The following FUBP3 variants were observed in gnomAD, a reference collection of about 807,000 sequenced individuals.
FUBP3 encodes far upstream element binding protein 3.
FUBP3 carries 28 observed loss-of-function variants against 85.6 expected under a neutral mutation model. That is an observed-to-expected ratio of 0.33 (90% CI 0.24 to 0.45). The LOEUF (loss-of-function observed/expected upper bound fraction) is 0.45. Among genes scored for constraint, FUBP3 ranks in the 20% least tolerant of loss-of-function variants. The pLI is 1.00. For synonymous variants in FUBP3, 271 were observed against 271.4 expected, an observed-to-expected ratio of 1.00 and a Z score of 0.01; for missense variants, 583 against 755.1, an observed-to-expected ratio of 0.77 and a Z score of 2.67.
rs1184495389 is a variant in FUBP3, at chr9:130,616,918, G to C, written c.567+401G>C. Among the ~76,000 whole-genome samples the C allele has an allele frequency of 1.3e-5, 2 of 152,220 alleles. No individual in the cohort carries two copies. Among genetic ancestry groups the C allele is most frequent in the African/African-American group, 4.8e-5 (2 of 41,464 alleles). ...GCTCATTTACTTTTTGAAGGTTCAG[G>C]GTCTTTGTGTGTCAAAAGGGGCAAG... On this transcript the variant is annotated intron_variant, in intron 7 of 18. Coordinates refer to ENST00000319725, the MANE Select transcript of FUBP3 (RefSeq NM_003934.2). The surrounding 1 kb of genome is among the most constrained non-coding windows in gnomAD (Gnocchi z 4.7).
chr9:130,607,105 G>A (rs1378251783), intron 2 of FUBP3, among the ~76,000 whole-genome samples: 2 of 151,732 alleles, frequency 1.3e-5, no homozygotes, highest in Admixed American at 1.3e-4. Flanking sequence ...TGGGATTACA[G>A]ATGTGCACCA....
At chr9:130,619,303 AT>A (rs11293240) in intron 8 of FUBP3, among the ~76,000 whole-genome samples, 46,234 of 137,628 alleles carry the variant, frequency 0.34, 7,404 homozygotes, top group African/African-American at 0.54. Context: ...TGTATATTTC[AT>A]TTTTTTTTTT....
At chr9:130,600,840 G>T (rs1025256101) in intron 2 of FUBP3, among the ~76,000 whole-genome samples, 1 of 152,078 alleles carries the variant, frequency 6.6e-6, no homozygotes, top group African/African-American at 2.4e-5. Context: ...GCTGGGTGTG[G>T]TGGTGCATGC....
intron 16 of FUBP3, among the ~76,000 whole-genome samples, chr9:130,632,827 C>G (rs908585722): frequency 6.6e-6 from 1 of 152,276 alleles, no homozygotes; most frequent in African/African-American, 2.4e-5. Flanking sequence ...CCGCCACCCT[C>G]TCTGTCCCCA....
chr9:130,621,771 G>A (rs1829757637), intron 9 of FUBP3, among the ~76,000 whole-genome samples: 1 of 151,936 alleles, frequency 6.6e-6, no homozygotes, highest in South Asian at 2.1e-4. Flanking sequence ...CGGGTGTGGT[G>A]ACGCGTGCCT....
Position 130,631,543 on chromosome 9 carries a change from CTG to C in FUBP3, c.1279-11_1279-10del, listed in dbSNP as rs1564226787. On this transcript the variant is annotated splice_polypyrimidine_tract_variant and intron_variant, in intron 13 of 18. Coordinates refer to ENST00000319725, the MANE Select transcript of FUBP3 (RefSeq NM_003934.2). Reference sequence around the variant, plus strand: ...AACCAACAGCGGGTGAGAGCTCCCTCTGTGCCCCCACAGGGGACCAATCTCGG... The same window carrying C: ...AACCAACAGCGGGTGAGAGCTCCCTCTGCCCCCACAGGGGACCAATCTCGG... 1 of 1,609,266 alleles carries C rather than the reference CTG, an allele frequency of 6.2e-7. No homozygotes were observed.
At chr9:130,589,525 G>T (rs1190351310) in intron 1 of FUBP3, among the ~76,000 whole-genome samples, 5 of 150,618 alleles carry the variant, frequency 3.3e-5, no homozygotes. Flanking sequence ...TGTATTTTTA[G>T]TAGAGACGGG....
At position 130,631,581 on chromosome 9, in the gene FUBP3, G is replaced by A. The variant is rs368512612; in HGVS notation, c.1303G>A (p.Ala435Thr). The change falls in exon 14 of 19, where the codon GCC becomes ACC. Residue 435 changes from alanine (A) to threonine (T), a missense_variant. Physicochemically the swap from Ala to Thr is moderately conservative, Grantham distance 58 (BLOSUM62 0). Transcript: ENST00000319725. ...VGGTNLGAPG[A>T]FGQSPFSQPP... ...GGGGACCAATCTCGGAGCACCTGGA[G>A]CCTTCGGACAGAGTCCATTCAGCCA... The A allele has an allele frequency of 1.1e-4, 171 of 1,614,024 alleles. No homozygotes were observed. The highest frequency in any genetic ancestry group is 1.3e-4 in the Non-Finnish European group (156 of 1,179,884).
At chr9:130,615,785 G>A (rs1241784427) in intron 6 of FUBP3, among the ~76,000 whole-genome samples, 3 of 152,232 alleles carry the variant, frequency 2.0e-5, no homozygotes, top group East Asian at 3.9e-4. Context: ...CCCACCTCTT[G>A]GAACCAAACT....
rs760264899 is a variant in FUBP3, at chr9:130,631,513, T to C, written c.1279-44T>C. On this transcript the variant is annotated intron_variant, in intron 13 of 18. Transcript: ENST00000319725. The stretch of plus-strand genomic sequence containing the variant: ...GGTGGGCCTGGGCAGAGGAAAGAGG[T>C]GTGCAACCAACAGCGGGTGAGAGCT... 10 of 1,540,316 alleles carry C rather than the reference T, an allele frequency of 6.5e-6. No individual in the cohort carries two copies. In the East Asian group the frequency reaches 6.7e-5, roughly 10 times the overall value.
chr9:130,600,273 T>A (rs1831091029), intron 2 of FUBP3, among the ~76,000 whole-genome samples: 1 of 152,092 alleles, frequency 6.6e-6, no homozygotes, highest in Non-Finnish European at 1.5e-5. Flanking sequence ...TGTGCACCTC[T>A]CCTAGCAGAG....
chr9:130,581,668 A>G (rs1830135209), intron 1 of FUBP3: 1 of 152,214 alleles, frequency 6.6e-6, no homozygotes, highest in South Asian at 2.1e-4. Context: ...TGTTATATAC[A>G]CAGCATGTTA....
chr9:130,616,266 G>C lies in FUBP3; in HGVS notation c.405-89G>C, dbSNP rs1832003726. On this transcript the variant is annotated intron_variant, in intron 6 of 18. Coordinates refer to ENST00000319725, the MANE Select transcript of FUBP3 (RefSeq NM_003934.2). The surrounding 1 kb of genome is among the most constrained non-coding windows in gnomAD (Gnocchi z 4.7). ...ATGGAGGGCTGCCCTGACTCCCGCA[G>C]GTTTTTCCCTCAGTGCTATTTCCCT... The C allele has an allele frequency of 5.4e-6, 7 of 1,304,680 alleles. No homozygotes were observed. The South Asian group carries it at 8.0e-5, about 15-fold the overall frequency. 80.8% of individuals were successfully genotyped at this position (1,304,680 alleles called of 1,614,324 possible). A position where few individuals can be genotyped will look rare whatever the true frequency, so the allele number is the denominator to read the frequency against.
intron 12 of FUBP3, among the ~76,000 whole-genome samples, chr9:130,628,846 T>C (rs1830098444): frequency 6.6e-6 from 1 of 152,166 alleles, no homozygotes; most frequent in Non-Finnish European, 1.5e-5. Flanking sequence ...CATGGCTCAC[T>C]GCAACCTCCG....
chr9:130,621,319 A>G (rs1273160712), intron 9 of FUBP3, among the ~76,000 whole-genome samples: 3 of 151,922 alleles, frequency 2.0e-5, no homozygotes, highest in African/African-American at 4.8e-5. Flanking sequence ...CACCACCTCT[A>G]CCAAAACAAA....
chr9:130,622,818 T>C lies in FUBP3; in HGVS notation c.874+8T>C. 1 of 1,378,456 alleles carries C rather than the reference T, an allele frequency of 7.3e-7. No individual in the cohort carries two copies. Among genetic ancestry groups the C allele is most frequent in the Non-Finnish European group, 1.0e-6 (1 of 992,274 alleles). 85.4% of individuals were successfully genotyped at this position (1,378,456 alleles called of 1,614,324 possible). On this transcript the variant is annotated splice_region_variant and intron_variant, in intron 10 of 18. Coordinates refer to ENST00000319725, the MANE Select transcript of FUBP3 (RefSeq NM_003934.2). ...GGATTCAGTTTAAACCAGGTGGGTA[T>C]GATGATTTAAAAATCCTTAGTGTTA...
At chr9:130,597,209 A>G (rs892860580) in intron 2 of FUBP3, among the ~76,000 whole-genome samples, 1 of 152,128 alleles carries the variant, frequency 6.6e-6, no homozygotes, top group Non-Finnish European at 1.5e-5. Flanking sequence ...AGCTCCATCC[A>G]TGTTGTTGCA....
At position 130,623,642 on chromosome 9, in the gene FUBP3, G is replaced by A. The variant is rs1307417054; in HGVS notation, c.906G>A (p.Gln302=). 1.2e-5 allele frequency: 19 copies of A among 1,613,800 alleles called. No homozygotes were observed. The highest frequency in any genetic ancestry group is 1.4e-5 in the Non-Finnish European group (17 of 1,179,830). ...GGATTAGTCCAGAAAGAGCTGCCCA[G>A]GTCATGGGCCCTCCGGATCGGTGTC... ...DDGISPERAA[Q]VMGPPDRCQH... is the part of the protein sequence containing the mutation. The change falls in exon 11 of 19, where the codon CAG becomes CAA. Residue 302 remains glutamine (Q), a synonymous_variant. Transcript: ENST00000319725.
intron 9 of FUBP3, among the ~76,000 whole-genome samples, chr9:130,621,397 G>C (rs1829740782): frequency 1.3e-5 from 2 of 152,182 alleles, no homozygotes; most frequent in African/African-American, 4.8e-5. Context: ...AGAGGCTAAG[G>C]AGGGAGGCTC....
Sources: allele counts gnomAD v4.1 joint callset (sites outside exome capture counted in the v4.1 genomes callset), GRCh38; gene constraint gnomAD v4.1.1; non-coding constraint Gnocchi (gnomAD v3.1); transcripts MANE v1.5; gene names NCBI Gene and HGNC (gene_info 2026-07-23, HGNC 2026-07-21).